JPT2: variants seen among roughly 807,000 people sequenced by gnomAD.
JPT2 encodes the protein Jupiter microtubule associated homolog 2.
A neutral mutation model predicts 15.9 loss-of-function variants in JPT2; 9 were observed. The ratio of observed to expected loss-of-function variants is 0.57; its 90% CI spans 0.34 to 0.99. JPT2 has a LOEUF of 0.99. Among genes scored for constraint, JPT2 ranks in the 50% least tolerant of loss-of-function variants. The pLI is 0.02. For synonymous variants in JPT2, 95 were observed against 91.7 expected, an observed-to-expected ratio of 1.04 and a Z score of -0.21; for missense variants, 267 against 252.1, an observed-to-expected ratio of 1.06 and a Z score of -0.40.
At chr16:1,688,533 T>C (rs1319857192) in intron 2 of JPT2, 3 of 152,252 alleles carry the variant, frequency 2.0e-5, no homozygotes, top group African/African-American at 7.2e-5. Flanking sequence ...CTTGTGTATG[T>C]GCTTATTTGC....
chr16:1,702,232 A>T, downstream of JPT2: 1 of 443,242 alleles, frequency 2.3e-6, no homozygotes, highest in East Asian at 7.0e-5. Flanking sequence ...TCGGGGCCAG[A>T]TGAGATGAAA....
intron 4 of JPT2, 85 bp downstream of exon 4, chr16:1,697,945 G>T: frequency 7.8e-7 from 1 of 1,288,556 alleles, no homozygotes; most frequent in Non-Finnish European, 1.1e-6. Context: ...GAATGAAAAG[G>T]AGTCTTTCTT....
chr16:1,699,612 G>C lies in JPT2; in HGVS notation c.*614G>C, dbSNP rs2142232320. The C allele has an allele frequency of 3.3e-6, 1 of 305,696 alleles. No individual in the cohort carries two copies. The highest frequency in any genetic ancestry group is 2.2e-5 in the African/African-American group (1 of 46,304). The allele number at this position is 305,696 out of a possible 1,614,324, so 18.9% of individuals were successfully genotyped here. A position where few individuals can be genotyped will look rare whatever the true frequency, so the allele number is the denominator to read the frequency against. ...TCATGGAAGATTGTTTTGGTGCCCTGACCCTCTGAAGTGCCCAGTTCCTGC... is the reference window on the plus strand; with the variant it reads ...TCATGGAAGATTGTTTTGGTGCCCTCACCCTCTGAAGTGCCCAGTTCCTGC... On this transcript the variant is annotated 3_prime_UTR_variant, in exon 5 of 5. Coordinates refer to ENST00000248098, the MANE Select transcript of JPT2 (RefSeq NM_144570.3).
chr16:1,680,593 C>A, intron 1 of JPT2: 2 of 910,360 alleles, frequency 2.2e-6, no homozygotes, highest in Non-Finnish European at 2.7e-6. Context: ...GCCTTGTAAG[C>A]GTCACATTTA....
intron 1 of JPT2, among the ~76,000 whole-genome samples, chr16:1,684,190 G>A (rs1280659142): frequency 6.6e-6 from 1 of 152,166 alleles, no homozygotes; most frequent in Non-Finnish European, 1.5e-5. Flanking sequence ...AGCAGAGCCC[G>A]TGGATACAGA....
chr16:1,689,634 G>A (rs968159033), intron 2 of JPT2: 1 of 152,096 alleles, frequency 6.6e-6, no homozygotes, highest in Non-Finnish European at 1.5e-5. Flanking sequence ...GTAGAGACAA[G>A]GTCTCACTTG....
intron 3 of JPT2, among the ~76,000 whole-genome samples, chr16:1,696,021 G>A (rs2037138805): frequency 1.3e-5 from 2 of 152,068 alleles, no homozygotes; most frequent in South Asian, 2.1e-4. Context: ...CTGAGGTCAA[G>A]AGTTCGAGAC....
intron 1 of JPT2, among the ~76,000 whole-genome samples, chr16:1,681,379 G>T (rs2235489): frequency 0.33 from 50,653 of 152,040 alleles, 11,317 homozygotes; most frequent in African/African-American, 0.62. Context: ...TGCTAAAACC[G>T]TCTTTGGTAC....
At chr16:1,692,090 T>C in intron 3 of JPT2, 105 bp downstream of exon 3, 1 of 1,407,228 alleles carries the variant, frequency 7.1e-7, no homozygotes, top group Non-Finnish European at 9.8e-7. Flanking sequence ...AGAATCATGG[T>C]GGGTGCCGTA....
At chr16:1,683,689 CAGG>C (rs1291378319) in intron 1 of JPT2, 3 of 851,368 alleles carry the variant, frequency 3.5e-6, no homozygotes, top group Non-Finnish European at 5.6e-6. Context: ...TGCTTTATAG[CAGG>C]AGATCTGAGA....
At chr16:1,678,763 G>A (rs2036995317) in intron 1 of JPT2, among the ~76,000 whole-genome samples, 1 of 151,708 alleles carries the variant, frequency 6.6e-6, no homozygotes, top group Admixed American at 6.6e-5. Context: ...GCGTGTCCAT[G>A]TTCCCGGGGG....
In JPT2 at chr16:1,700,270, A is replaced by G. The variant is rs1417308175; in HGVS notation, c.*1272A>G. ...TCCCTGAGCTTTGCTCACTCAGCTA[A>G]TGGGATGGCAAAGGTGGTGGTGCTT... On this transcript the variant is annotated 3_prime_UTR_variant, in exon 5 of 5. Coordinates refer to ENST00000248098, the MANE Select transcript of JPT2 (RefSeq NM_144570.3). 2 of 423,984 alleles carry G rather than the reference A, an allele frequency of 4.7e-6. No homozygotes were observed. The highest frequency in any genetic ancestry group is 9.8e-6 in the Non-Finnish European group (2 of 203,678). 26.3% of individuals were successfully genotyped at this position (423,984 alleles called of 1,614,324 possible).
At position 1,678,337 on chromosome 16, in the gene JPT2, G is replaced by T; in HGVS notation, c.25G>T (p.Gly9Cys). ...CATGTTCCAGGTCCCGGATAGCGAGGGCGGCCGCGCCGGCTCCAGGTGCGG... is the reference window on the plus strand; with the variant it reads ...CATGTTCCAGGTCCCGGATAGCGAGTGCGGCCGCGCCGGCTCCAGGTGCGG... Reference protein sequence around the residue: MFQVPDSEGGRAGSRAMKP... With the variant: MFQVPDSECGRAGSRAMKP... The change falls in exon 1 of 5, where the codon GGC (glycine) becomes TGC (cysteine). Residue 9 changes from glycine to cysteine, a missense_variant. By Grantham distance (159) the Gly-to-Cys change is radical. Coordinates refer to ENST00000248098, the MANE Select transcript of JPT2 (RefSeq NM_144570.3). 1 of 1,235,224 alleles carries T rather than the reference G, an allele frequency of 8.1e-7. No homozygotes were observed. The allele number at this position is 1,235,224 out of a possible 1,614,324, so 76.5% of individuals were successfully genotyped here.
At chr16:1,685,717 C>A in intron 2 of JPT2, 130 bp downstream of exon 2, 2 of 1,010,740 alleles carry the variant, frequency 2.0e-6, no homozygotes, top group Non-Finnish European at 1.4e-6. Context: ...AGAGTTCTTC[C>A]AAAATGAAAA....
At chr16:1,697,587 A>G (rs1428502451) in intron 3 of JPT2, among the ~76,000 whole-genome samples, 1 of 151,978 alleles carries the variant, frequency 6.6e-6, no homozygotes, top group Non-Finnish European at 1.5e-5. Flanking sequence ...TGCTACTGTT[A>G]TTTTTTAAAG....
intron 1 of JPT2, chr16:1,680,280 C>A (rs1461887255): frequency 2.1e-5 from 21 of 983,610 alleles, no homozygotes; most frequent in Non-Finnish European, 2.5e-5. Context: ...CTGCCTGGCA[C>A]TGGCTGCCCG....
At chr16:1,689,612 T>A (rs1327001309) in intron 2 of JPT2, 1 of 152,152 alleles carries the variant, frequency 6.6e-6, no homozygotes, top group Non-Finnish European at 1.5e-5. Flanking sequence ...AGGCTAATTT[T>A]AAAATATTTT....
At position 1,700,199 on chromosome 16, in the gene JPT2, GGCC is replaced by G. The variant is rs1567473157; in HGVS notation, c.*1202_*1204del. ...CTTCCAGAAGAGACTAGAGACCTTA[GGCC>G]AGGAGATGAAGGAGTTCAGTAGCAA... On this transcript the variant is annotated 3_prime_UTR_variant, in exon 5 of 5. Transcript: ENST00000248098. 2 of 455,572 alleles carry G rather than the reference GGCC, an allele frequency of 4.4e-6. No individual in the cohort carries two copies. The highest frequency in any genetic ancestry group is 3.1e-5 in the South Asian group (2 of 64,550). 28.2% of individuals were successfully genotyped at this position (455,572 alleles called of 1,614,324 possible). A position where few individuals can be genotyped will look rare whatever the true frequency, so the allele number is the denominator to read the frequency against.
At position 1,693,052 on chromosome 16, in the gene JPT2, A is replaced by G. The variant is rs142947899; in HGVS notation, c.336+1067A>G. ...ATCTCTTTCCAGTGTATAGAGTCTT[A>G]TATAGGACCTGTTAGACTCTGCTGA... On this transcript the variant is annotated intron_variant, in intron 3 of 4. Coordinates refer to ENST00000248098, the MANE Select transcript of JPT2 (RefSeq NM_144570.3). Among the ~76,000 whole-genome samples, 61 of 152,284 alleles carry G rather than the reference A, an allele frequency of 4.0e-4. No individual in the cohort carries two copies. The East Asian group carries it at 8.7e-3, about 22-fold the overall frequency.
Sources: allele counts gnomAD v4.1 joint callset (sites outside exome capture counted in the v4.1 genomes callset), GRCh38; gene constraint gnomAD v4.1.1; transcripts MANE v1.5; gene names NCBI Gene and HGNC (gene_info 2026-07-23, HGNC 2026-07-21).